Variants in MRPS6 observed in about 807,000 individuals in gnomAD.
MRPS6 encodes the protein small ribosomal subunit protein bS6m.
Under a neutral mutation model 13.1 loss-of-function variants are expected in MRPS6, and 6 were observed. The ratio of observed to expected loss-of-function variants is 0.46; its 90% CI spans 0.25 to 0.91. The LOEUF is 0.91. MRPS6 is among the 40% of genes least tolerant of loss of function. The pLI is 0.18. For synonymous variants in MRPS6, 61 were observed against 56.5 expected (o/e 1.08, Z -0.36); for missense variants, 164 against 155.6 (o/e 1.05, Z -0.29).
chr21:34,092,617 A>G (rs1978760670), intron 1 of MRPS6, among the ~76,000 whole-genome samples: 1 of 152,264 alleles, frequency 6.6e-6, no homozygotes, highest in South Asian at 2.1e-4. Context: ...TTTACCTTGC[A>G]TAAATCAGAT....
At chr21:34,094,539 C>A (rs1226988902) in intron 1 of MRPS6, among the ~76,000 whole-genome samples, 2 of 152,056 alleles carry the variant, frequency 1.3e-5, no homozygotes, top group East Asian at 3.9e-4. Flanking sequence ...GATCTTAGTG[C>A]CTGTCCTAAT....
chr21:34,084,233 C>T (rs537029473), intron 1 of MRPS6, among the ~76,000 whole-genome samples: 5 of 151,904 alleles, frequency 3.3e-5, no homozygotes, highest in South Asian at 4.2e-4. Flanking sequence ...TCTGAATCTT[C>T]TATTTATAAC....
chr21:34,073,695 C>G lies in MRPS6; in HGVS notation c.-6C>G, dbSNP rs1989244664. 2.0e-6 allele frequency: 3 copies of G among 1,520,564 alleles called. No homozygotes were observed. The highest frequency in any genetic ancestry group is 2.3e-5 in the South Asian group (2 of 86,868). 94.2% of individuals were successfully genotyped at this position (1,520,564 alleles called of 1,614,324 possible). ...CTTCCGAGCCGCACTCGCCGATCCT[C>G]CAGGCATGCCCCGCTACGAGCTGGC... On this transcript the variant is annotated 5_prime_UTR_variant, in exon 1 of 3. Coordinates refer to ENST00000399312, the MANE Select transcript of MRPS6 (RefSeq NM_032476.4).
chr21:34,120,443 T>TC (rs1980078735), intron 1 of MRPS6, among the ~76,000 whole-genome samples: 1 of 152,222 alleles, frequency 6.6e-6, no homozygotes, highest in Non-Finnish European at 1.5e-5. Flanking sequence ...ACTCTTGGAA[T>TC]CCAATCAAAA....
intron 1 of MRPS6, among the ~76,000 whole-genome samples, chr21:34,094,237 G>C (rs975248324): frequency 6.6e-6 from 1 of 152,208 alleles, no homozygotes; most frequent in African/African-American, 2.4e-5. Flanking sequence ...AGGGCAGGGG[G>C]CGTCTCACAA....
intron 1 of MRPS6, among the ~76,000 whole-genome samples, chr21:34,090,915 C>T (rs1325401253): frequency 1.3e-5 from 2 of 152,204 alleles, no homozygotes; most frequent in African/African-American, 2.4e-5. Context: ...ACACCCACCT[C>T]CCTTCTTACA....
intron 1 of MRPS6, among the ~76,000 whole-genome samples, chr21:34,116,325 T>G (rs1326592931): frequency 6.6e-6 from 1 of 151,532 alleles, no homozygotes; most frequent in African/African-American, 2.4e-5. Context: ...CATGTTTTTT[T>G]TTTTTTTTTT....
chr21:34,127,974 C>T (rs1980367688), intron 2 of MRPS6, among the ~76,000 whole-genome samples: 1 of 152,222 alleles, frequency 6.6e-6, no homozygotes, highest in Non-Finnish European at 1.5e-5. Context: ...GATTTGAAAC[C>T]TGACAGTGGT....
rs188708341 is a variant in MRPS6, at chr21:34,128,765, G to A, written c.185+3285G>A. ...GTCAGTAGAACTGGGGGAGTCATGC[G>A]TGTTCAGCTGAGGACCATTTTAAAC... On this transcript the variant is annotated intron_variant, in intron 2 of 2. Coordinates refer to ENST00000399312, the MANE Select transcript of MRPS6 (RefSeq NM_032476.4). 5.2e-3 allele frequency among the ~76,000 whole-genome samples: 799 copies of A among 152,310 alleles called. 6 individuals are homozygous for A. Among genetic ancestry groups the A allele is most frequent in the Non-Finnish European group, 9.2e-3 (629 of 68,028 alleles).
chr21:34,112,756 C>G (rs1310083369), intron 1 of MRPS6, among the ~76,000 whole-genome samples: 4 of 152,136 alleles, frequency 2.6e-5, no homozygotes, highest in African/African-American at 7.2e-5. Flanking sequence ...AACCACCATT[C>G]TACTCTCTAT....
chr21:34,113,207 C>T (rs1210982249), intron 1 of MRPS6, among the ~76,000 whole-genome samples: 1 of 152,094 alleles, frequency 6.6e-6, no homozygotes, highest in Non-Finnish European at 1.5e-5. Flanking sequence ...AATAGGATGA[C>T]CATATGATCC....
chr21:34,073,743 C>A lies in MRPS6; in HGVS notation c.43C>A (p.Arg15=). The change falls in exon 1 of 3, where the codon CGG becomes AGG. Residue 15 remains arginine, a splice_region_variant and synonymous_variant. Transcript: ENST00000399312. ...ELALILKAMQ[R]PETAATLKRT... Reference sequence around the variant, plus strand: ...GGCTTTAATCCTGAAAGCCATGCAGCGGGTAAGTGACCTTCCCTCAGAGCC... The same window carrying A: ...GGCTTTAATCCTGAAAGCCATGCAGAGGGTAAGTGACCTTCCCTCAGAGCC... 6.6e-7 allele frequency: 1 copy of A among 1,523,512 alleles called. No homozygotes were observed. Among genetic ancestry groups the A allele is most frequent in the Non-Finnish European group, 8.8e-7 (1 of 1,130,352 alleles). The allele number at this position is 1,523,512 out of a possible 1,614,324, so 94.4% of individuals were successfully genotyped here.
At chr21:34,133,383 T>A (rs1432139385) in intron 2 of MRPS6, among the ~76,000 whole-genome samples, 2 of 152,146 alleles carry the variant, frequency 1.3e-5, no homozygotes. Flanking sequence ...AGTGGGCAGT[T>A]GAGTTGGTTG....
intron 2 of MRPS6, among the ~76,000 whole-genome samples, chr21:34,129,139 A>G (rs1448414168): frequency 2.0e-5 from 3 of 152,118 alleles, no homozygotes. Flanking sequence ...TGTTAGAGGG[A>G]GCAATGACAG....
At chr21:34,086,892 G>A (rs578184143) in intron 1 of MRPS6, among the ~76,000 whole-genome samples, 1 of 152,286 alleles carries the variant, frequency 6.6e-6, no homozygotes, top group South Asian at 2.1e-4. Flanking sequence ...GAGCTGAAGG[G>A]AATTGTTGCT....
intron 1 of MRPS6, chr21:34,103,295 G>T (rs1979327163): frequency 2.0e-5 from 20 of 977,878 alleles, no homozygotes; most frequent in East Asian, 1.2e-4. Context: ...CTTAAATTTT[G>T]TCGTAACTAG....
At chr21:34,093,953 T>C (rs1457190429) in intron 1 of MRPS6, among the ~76,000 whole-genome samples, 4 of 152,180 alleles carry the variant, frequency 2.6e-5, no homozygotes, top group Non-Finnish European at 4.4e-5. Context: ...CTGAAAACTT[T>C]TCTCCTCCTC....
At chr21:34,130,818 A>T (rs1980477234) in intron 2 of MRPS6, among the ~76,000 whole-genome samples, 1 of 152,188 alleles carries the variant, frequency 6.6e-6, no homozygotes, top group South Asian at 2.1e-4. Flanking sequence ...GTGTGGGTCA[A>T]AGTTACGTGC....
rs1978729778 is a variant in MRPS6 at position 34,092,133 on chromosome 21, T to C, written c.45+18388T>C. ...TTTAAAAGGAAGAAAAACATATATATATATATAACATACTGTATATTCAGA... is the reference window on the plus strand; with the variant it reads ...TTTAAAAGGAAGAAAAACATATATACATATATAACATACTGTATATTCAGA... On this transcript the variant is annotated intron_variant, in intron 1 of 2. Coordinates refer to ENST00000399312, the MANE Select transcript of MRPS6 (RefSeq NM_032476.4). Among the ~76,000 whole-genome samples, 5 of 151,736 alleles carry C rather than the reference T, an allele frequency of 3.3e-5. No individual in the cohort carries two copies. The South Asian group carries it at 8.3e-4, about 25-fold the overall frequency.
Sources: gnomAD v4.1 joint callset for allele counts (sites outside exome capture counted in the v4.1 genomes callset) on GRCh38, gnomAD v4.1.1 for gene constraint, MANE v1.5 for transcripts, NCBI Gene and HGNC (gene_info 2026-07-23, HGNC 2026-07-21) for gene names.